The following RLF variants were observed in gnomAD, a reference collection of about 807,000 sequenced individuals.
RLF encodes zinc finger protein Rlf.
RLF carries 7 observed loss-of-function variants against 162.9 expected under a neutral mutation model. That is an observed-to-expected ratio of 0.04 (90% CI 0.02 to 0.08). The LOEUF (loss-of-function observed/expected upper bound fraction) is 0.08, where lower values mean the gene tolerates loss of function less well. Ranked by LOEUF, RLF falls within the 10% of genes least tolerant of loss-of-function variation. The pLI is 1.00. For synonymous variants in RLF, 782 were observed against 791.5 expected (o/e 0.99, Z 0.20); for missense variants, 1,664 against 2,244.7 (o/e 0.74, Z 5.23).
intron 1 of RLF, among the ~76,000 whole-genome samples, chr1:40,182,764 GA>G (rs1280972549): frequency 3.3e-5 from 5 of 149,858 alleles, no homozygotes; most frequent in Non-Finnish European, 7.4e-5. Flanking sequence ...TAGATAGATA[GA>G]TAGATAGATA....
chr1:40,209,816 G>A (rs1321731967), intron 5 of RLF, among the ~76,000 whole-genome samples: 1 of 151,676 alleles, frequency 6.6e-6, no homozygotes, highest in Admixed American at 6.6e-5. Context: ...GGCAGAGGTT[G>A]CAGTAAGCCA....
intron 1 of RLF, among the ~76,000 whole-genome samples, chr1:40,180,692 C>G (rs1049335560): frequency 3.3e-5 from 5 of 152,072 alleles, no homozygotes; most frequent in Non-Finnish European, 4.4e-5. Flanking sequence ...GTATGTCTTC[C>G]TTGGAGAAAT....
intron 6 of RLF, among the ~76,000 whole-genome samples, chr1:40,224,621 AGC>A (rs1557757494): frequency 4.6e-4 from 16 of 35,158 alleles, no homozygotes; most frequent in East Asian, 1.1e-3. Flanking sequence ...TGTTTTTGAA[AGC>A]TTTTTTTTTT....
At chr1:40,232,215 T>A (rs1220851955) in intron 7 of RLF, among the ~76,000 whole-genome samples, 28 of 149,564 alleles carry the variant, frequency 1.9e-4, no homozygotes, top group African/African-American at 5.4e-4. Flanking sequence ...CTTTTTTTTT[T>A]TAAAAAAAAA....
chr1:40,201,625 C>CAAA (rs35897680), intron 4 of RLF, among the ~76,000 whole-genome samples: 9 of 91,516 alleles, frequency 9.8e-5, no homozygotes, highest in Non-Finnish European at 1.3e-4. Context: ...GACTTCATCT[C>CAAA]AAAAAAAAAA....
chr1:40,218,325 G>T (rs1036154293), intron 5 of RLF, among the ~76,000 whole-genome samples: 2 of 152,158 alleles, frequency 1.3e-5, no homozygotes, highest in Non-Finnish European at 2.9e-5. Context: ...TTGACAAGTG[G>T]ACTGAATTTC....
intron 1 of RLF, among the ~76,000 whole-genome samples, chr1:40,187,118 G>A (rs1433334423): frequency 6.6e-6 from 1 of 151,460 alleles, no homozygotes; most frequent in Non-Finnish European, 1.5e-5. Context: ...TGCAACCTCC[G>A]CCTCCCAGGT....
chr1:40,203,184 G>A (rs1204331815), intron 5 of RLF, among the ~76,000 whole-genome samples: 1 of 144,178 alleles, frequency 6.9e-6, no homozygotes, highest in Non-Finnish European at 1.5e-5. Flanking sequence ...GTGCAATTTC[G>A]GCTCACTGCA....
chr1:40,165,860 A>G (rs1219629206), intron 1 of RLF, among the ~76,000 whole-genome samples: 1 of 152,144 alleles, frequency 6.6e-6, no homozygotes, highest in Non-Finnish European at 1.5e-5. Context: ...CCAGACCACC[A>G]ACTCCCATTT....
chr1:40,235,950 A>T lies in RLF; in HGVS notation c.1248A>T (p.Glu416Asp). 8 of 1,614,100 alleles carry T rather than the reference A, an allele frequency of 5.0e-6. No individual in the cohort carries two copies. The highest frequency in any genetic ancestry group is 5.9e-6 in the Non-Finnish European group (7 of 1,179,996). Residue 416 changes from glutamate to aspartate, a missense_variant, in exon 8 of 8, where the codon GAA becomes GAT. Around this residue, in one of 15 missense-constraint regions of RLF, gnomAD observed 287 missense variants for 404.9 expected, o/e 0.71. Transcript: ENST00000372771. ...LEVRRACQLTEFLIEPSLDGF... is the reference protein window; with the variant it reads ...LEVRRACQLTDFLIEPSLDGF... ...TTAGACGAGCCTGTCAGCTTACAGAATTCTTAATTGAACCCAGTTTGGATG... is the reference window on the plus strand; with the variant it reads ...TTAGACGAGCCTGTCAGCTTACAGATTTCTTAATTGAACCCAGTTTGGATG...
At chr1:40,222,146 TA>T (rs2124553846) in intron 5 of RLF, among the ~76,000 whole-genome samples, 1 of 152,268 alleles carries the variant, frequency 6.6e-6, no homozygotes, top group South Asian at 2.1e-4. Context: ...TGGCCTCCTT[TA>T]GCCCCACTGA....
intron 1 of RLF, among the ~76,000 whole-genome samples, chr1:40,175,250 A>G (rs900423720): frequency 6.6e-6 from 1 of 152,054 alleles, no homozygotes; most frequent in Admixed American, 6.6e-5. Context: ...ATAAAGTTCT[A>G]ACAGTAAATG....
chr1:40,240,246 A>G lies in RLF; in HGVS notation c.5544A>G (p.Val1848=). The change falls in exon 8 of 8, where the codon GTA becomes GTG. Residue 1848 remains valine (V), a synonymous_variant. Coordinates refer to ENST00000372771, the MANE Select transcript of RLF (RefSeq NM_012421.4). ...ENLTAIPPLI[V]AETTTVPSLE... is the part of the protein sequence containing the mutation. Reference sequence around the variant, plus strand: ...TGACTGCAATCCCACCTTTAATAGTAGCTGAAACAACAACAGTTCCTTCCT... The same window carrying G: ...TGACTGCAATCCCACCTTTAATAGTGGCTGAAACAACAACAGTTCCTTCCT... 1 of 1,614,212 alleles carries G rather than the reference A, an allele frequency of 6.2e-7. No individual in the cohort carries two copies. The highest frequency in any genetic ancestry group is 1.3e-5 in the African/African-American group (1 of 75,068).
Position 40,190,709 on chromosome 1 carries a change from CT to C in RLF, c.393-62del, listed in dbSNP as rs1642544432. On this transcript the variant is annotated intron_variant, in intron 2 of 7. Transcript: ENST00000372771. Reference sequence around the variant, plus strand: ...AATGTAAAATAGATTTTTAGTATTGCTGTCATACTCTACTTAATTATTACTA... The same window carrying C: ...AATGTAAAATAGATTTTTAGTATTGCGTCATACTCTACTTAATTATTACTA... 47 of 1,013,782 alleles carry C rather than the reference CT, an allele frequency of 4.6e-5. No homozygotes were observed. The South Asian group carries it at 6.3e-4, about 14-fold the overall frequency. The allele number at this position is 1,013,782 out of a possible 1,614,324, so 62.8% of individuals were successfully genotyped here.
rs144667492 is a variant in RLF at position 40,182,753 on chromosome 1, G to GTAGGTAGGTAGACAGA, written c.238-6299_238-6298insGTAGGTAGACAGATAG. On this transcript the variant is annotated intron_variant, in intron 1 of 7. Coordinates refer to ENST00000372771, the MANE Select transcript of RLF (RefSeq NM_012421.4). ...GAAAAAAGTATAGACAGATAGATAG[G>GTAGGTAGGTAGACAGA]TAGATAGATAGATAGATAGATAGAT... is the stretch of plus-strand genomic sequence containing the variant. 7.8e-4 allele frequency among the ~76,000 whole-genome samples: 116 copies of GTAGGTAGGTAGACAGA among 148,874 alleles called. 2 individuals are homozygous for GTAGGTAGGTAGACAGA. Among genetic ancestry groups the GTAGGTAGGTAGACAGA allele is most frequent in the East Asian group, 6.6e-3 (33 of 4,980 alleles).
intron 5 of RLF, among the ~76,000 whole-genome samples, chr1:40,208,693 C>T (rs1642828144): frequency 1.3e-5 from 2 of 151,746 alleles, no homozygotes; most frequent in South Asian, 4.2e-4. Flanking sequence ...TGGCATGTGC[C>T]GTAGTCCCAG....
rs551420238 is a variant in RLF at position 40,177,382 on chromosome 1, C to CG, written c.238-11669dup. On this transcript the variant is annotated intron_variant, in intron 1 of 7. Coordinates refer to ENST00000372771, the MANE Select transcript of RLF (RefSeq NM_012421.4). ...TCAGCTCACTGCAAGCTCCGCCTCCCGGGGTCACACCATTCTCCTGCCTCA... is the reference window on the plus strand; with the variant it reads ...TCAGCTCACTGCAAGCTCCGCCTCCCGGGGGTCACACCATTCTCCTGCCTCA... Among the ~76,000 whole-genome samples, 446 of 151,830 alleles carry CG rather than the reference C, an allele frequency of 2.9e-3. 2 individuals are homozygous for CG. Among genetic ancestry groups the CG allele is most frequent in the Non-Finnish European group, 5.0e-3 (339 of 67,922 alleles).
chr1:40,172,212 G>A (rs1642255459), intron 1 of RLF, among the ~76,000 whole-genome samples: 1 of 152,154 alleles, frequency 6.6e-6, no homozygotes, highest in Non-Finnish European at 1.5e-5. Flanking sequence ...GAGGGTTTAA[G>A]GAAAAGTAAA....
At chr1:40,190,929 G>T in intron 3 of RLF, 76 bp downstream of exon 3, 1 of 800,544 alleles carries the variant, frequency 1.2e-6, no homozygotes, top group Non-Finnish European at 2.0e-6. Context: ...ACTAAAATTG[G>T]AACCTTAGAA....
Sources: gnomAD v4.1 joint callset for allele counts (sites outside exome capture counted in the v4.1 genomes callset) on GRCh38, gnomAD v4.1.1 for gene constraint, gnomAD v4.1.1 regional missense constraint, MANE v1.5 for transcripts, NCBI Gene and HGNC (gene_info 2026-07-23, HGNC 2026-07-21) for gene names.